The following MPDZ variants were observed in gnomAD, a reference collection of about 807,000 sequenced individuals.
The protein encoded by MPDZ is multiple PDZ domain protein.
Under a neutral mutation model 239.1 loss-of-function variants are expected in MPDZ, and 234 were observed. That is an observed-to-expected ratio of 0.98 (90% confidence interval 0.88 to 1.09). MPDZ has a LOEUF of 1.09. MPDZ is among the 50% of genes least tolerant of loss of function. MPDZ has a pLI of 0.00. For missense variants in MPDZ, 3,175 were observed against 2,510.0 expected, an observed-to-expected ratio of 1.26 and a Z score of -5.66; for synonymous variants, 1,048 against 881.3, an observed-to-expected ratio of 1.19 and a Z score of -3.35.
Position 13,223,680 on chromosome 9 carries a change from T to G in MPDZ, c.424A>C (p.Lys142Gln), listed in dbSNP as rs1227975252. 6.2e-7 allele frequency: 1 copy of G among 1,609,546 alleles called. No homozygotes were observed. Among genetic ancestry groups the G allele is most frequent in the Admixed American group, 1.7e-5 (1 of 59,284 alleles). Reference sequence around the variant, plus strand: ...AACCCAAGGCCTCCAGATGGAGGTTTGAGGAGCTCAAAAACTTCTACATGG... The same window carrying G: ...AACCCAAGGCCTCCAGATGGAGGTTGGAGGAGCTCAAAAACTTCTACATGG... ...GRHVEVFELL[K>Q]PPSGGLGFSV... Residue 142 changes from lysine to glutamine, a missense_variant, in exon 5 of 47, where the codon AAA becomes CAA. By Grantham distance (53) the Lys-to-Gln change is moderately conservative. Coordinates refer to ENST00000319217, the MANE Select transcript of MPDZ (RefSeq NM_001378778.1).
chr9:13,254,171 T>C (rs995294245), intron 1 of MPDZ, among the ~76,000 whole-genome samples: 2 of 152,204 alleles, frequency 1.3e-5, no homozygotes, highest in Non-Finnish European at 2.9e-5. Context: ...TGAAATGGAA[T>C]AGACTGTTGT....
At chr9:13,228,581 G>A (rs1035547162) in intron 3 of MPDZ, among the ~76,000 whole-genome samples, 2 of 152,092 alleles carry the variant, frequency 1.3e-5, no homozygotes, top group Non-Finnish European at 2.9e-5. Context: ...CATGCAATTT[G>A]TTCAATCTTG....
intron 39 of MPDZ, among the ~76,000 whole-genome samples, chr9:13,118,522 T>C (rs1028461658): frequency 6.6e-6 from 1 of 152,210 alleles, no homozygotes; most frequent in African/African-American, 2.4e-5. Flanking sequence ...AGCACTGTCA[T>C]GCAGGCTTAT....
At chr9:13,231,215 A>G in intron 3 of MPDZ, among the ~76,000 whole-genome samples, 1 of 152,166 alleles carries the variant, frequency 6.6e-6, no homozygotes, top group East Asian at 1.9e-4. Flanking sequence ...ATATGCAAAA[A>G]AATGGGGAAA....
At chr9:13,187,109 T>A (rs541609459) in intron 17 of MPDZ, among the ~76,000 whole-genome samples, 1 of 152,132 alleles carries the variant, frequency 6.6e-6, no homozygotes, top group Non-Finnish European at 1.5e-5. Flanking sequence ...TCACCTGGCA[T>A]CAGCAAAACA....
At chr9:13,220,736 A>G (rs949894871) in intron 7 of MPDZ, among the ~76,000 whole-genome samples, 4 of 152,038 alleles carry the variant, frequency 2.6e-5, no homozygotes, top group Admixed American at 2.0e-4. Context: ...ACACATGTAT[A>G]AACAACCACT....
chr9:13,203,168 A>G (rs12339882), intron 12 of MPDZ, among the ~76,000 whole-genome samples: 5,848 of 152,298 alleles, frequency 0.038, 335 homozygotes, highest in African/African-American at 0.13. Flanking sequence ...TCAATTAAAA[A>G]TAATAAAAGC....
At chr9:13,190,339 A>C in intron 15 of MPDZ, 40 bp from the exon 16 acceptor site, 1 of 1,456,418 alleles carries the variant, frequency 6.9e-7, no homozygotes, top group Non-Finnish European at 9.1e-7. Context: ...GAGGCATTGC[A>C]TTAGCTGACA....
chr9:13,154,141 T>C (rs1190542477), intron 24 of MPDZ, among the ~76,000 whole-genome samples: 1 of 152,036 alleles, frequency 6.6e-6, no homozygotes, highest in African/African-American at 2.4e-5. Flanking sequence ...CAAAATACCC[T>C]CCCTGGAAGT....
Position 13,126,552 on chromosome 9 carries a change from T to TA in MPDZ, c.4595dup (p.Asp1533ArgfsTer2). The TA allele has an allele frequency of 6.3e-7, 1 of 1,582,654 alleles. No individual in the cohort carries two copies. The highest frequency in any genetic ancestry group is 8.6e-7 in the Non-Finnish European group (1 of 1,162,986). On this transcript the variant is annotated frameshift_variant, in exon 34 of 47. Coordinates refer to ENST00000319217, the MANE Select transcript of MPDZ (RefSeq NM_001378778.1). LOFTEE classifies it high-confidence loss of function. Reference sequence around the variant, plus strand: ...GGTAACCAACAACAATTTCATCATCTACAGCCAGTATCTGATCTCCGACTT... The same window carrying TA: ...GGTAACCAACAACAATTTCATCATCTAACAGCCAGTATCTGATCTCCGACTT...
intron 25 of MPDZ, among the ~76,000 whole-genome samples, 189 bp downstream of exon 25, chr9:13,150,322 C>T (rs910363516): frequency 4.6e-5 from 7 of 151,966 alleles, no homozygotes; most frequent in African/African-American, 1.7e-4. Context: ...TCCACACACA[C>T]ATTTTACTCG....
chr9:13,258,938 T>C (rs1970035633), intron 1 of MPDZ, among the ~76,000 whole-genome samples: 1 of 152,098 alleles, frequency 6.6e-6, no homozygotes, highest in South Asian at 2.1e-4. Flanking sequence ...AACTGCCAGA[T>C]AAATTACCTG....
intron 20 of MPDZ, 110 bp from the exon 21 acceptor site, chr9:13,175,985 G>C: frequency 6.9e-7 from 1 of 1,441,004 alleles, no homozygotes; most frequent in Non-Finnish European, 9.2e-7. Flanking sequence ...TATTTTGCAA[G>C]AACCTGCAAC....
At position 13,143,558 on chromosome 9, in the gene MPDZ, G is replaced by C; in HGVS notation, c.3748C>G (p.Pro1250Ala). The C allele has an allele frequency of 6.2e-7, 1 of 1,612,412 alleles. No individual in the cohort carries two copies. Among genetic ancestry groups the C allele is most frequent in the Non-Finnish European group, 8.5e-7 (1 of 1,178,676 alleles). ...AGGTTGTGCAGCAAGGAAGGCAAAG[G>C]GGATTTCTAAAAGGAAACATAAGAG... ...QSIINRPRKS[P>A]LPSLLHNLYP... Residue 1250 changes from proline to alanine, a missense_variant, in exon 27 of 47, where the codon CCT (proline) becomes GCT (alanine). Coordinates refer to ENST00000319217, the MANE Select transcript of MPDZ (RefSeq NM_001378778.1).
intron 8 of MPDZ, 70 bp downstream of exon 8, chr9:13,219,489 A>T: frequency 7.3e-7 from 1 of 1,370,476 alleles, no homozygotes; most frequent in Non-Finnish European, 1.0e-6. Context: ...CTAGTTTCTA[A>T]GTAAACATCA....
At chr9:13,110,793 G>A (rs1252836134) in intron 43 of MPDZ, 53 bp from the exon 44 acceptor site, 1 of 1,299,254 alleles carries the variant, frequency 7.7e-7, no homozygotes, top group Non-Finnish European at 1.1e-6. Context: ...TGGAGAGTGG[G>A]TCTTTGAGAC....
chr9:13,111,395 A>C (rs1308222569), intron 43 of MPDZ, among the ~76,000 whole-genome samples: 2 of 152,240 alleles, frequency 1.3e-5, no homozygotes, highest in Middle Eastern at 3.2e-3. Context: ...AAGACTATTT[A>C]AACTAAAATG....
At chr9:13,217,873 G>C (rs1231822660) in intron 8 of MPDZ, among the ~76,000 whole-genome samples, 2 of 151,774 alleles carry the variant, frequency 1.3e-5, no homozygotes, top group Non-Finnish European at 1.5e-5. Flanking sequence ...AATGATAACT[G>C]AAAGTGGGTT....
intron 46 of MPDZ, 98 bp downstream of exon 46, chr9:13,108,838 T>C: frequency 1.6e-6 from 2 of 1,235,194 alleles, no homozygotes; most frequent in Non-Finnish European, 2.2e-6. Context: ...CTGTTAACCA[T>C]TTGGCATTAC....
Sources: allele counts gnomAD v4.1 joint callset (sites outside exome capture counted in the v4.1 genomes callset), GRCh38; gene constraint gnomAD v4.1.1; transcripts MANE v1.5; gene names NCBI Gene and HGNC (gene_info 2026-07-23, HGNC 2026-07-21).